Variants in NSRP1 observed in about 807,000 individuals in gnomAD.
NSRP1 encodes the protein coiled-coil domain containing 55.
In NSRP1, 24 loss-of-function variants were observed where a neutral mutation model predicts 54.7. The ratio of observed to expected loss-of-function variants is 0.44; its 90% CI spans 0.32 to 0.62. NSRP1 has a LOEUF of 0.62. NSRP1 is among the 20% of genes least tolerant of loss of function. The pLI, the probability that NSRP1 is intolerant of heterozygous loss-of-function variation, is 0.06. For missense variants in NSRP1, 596 were observed against 651.2 expected (o/e 0.92, Z 0.92); for synonymous variants, 210 against 213.8 (o/e 0.98, Z 0.15).
chr17:30,182,286 G>A (rs1164480980), intron 6 of NSRP1, among the ~76,000 whole-genome samples: 1 of 151,994 alleles, frequency 6.6e-6, no homozygotes, highest in Admixed American at 6.6e-5. Context: ...TTACATATCG[G>A]GGCTAGAACT....
At chr17:30,156,394 A>G (rs1211440798) in intron 2 of NSRP1, 1 of 150,734 alleles carries the variant, frequency 6.6e-6, no homozygotes, top group South Asian at 2.1e-4. Flanking sequence ...CCTCTATGAA[A>G]TACATTTTTT....
chr17:30,125,217 T>A (rs1014664566), intron 2 of NSRP1, among the ~76,000 whole-genome samples: 3 of 151,990 alleles, frequency 2.0e-5, no homozygotes, highest in African/African-American at 7.2e-5. Context: ...TAAAAAAAAA[T>A]TTGTGTGATT....
chr17:30,174,374 C>T (rs771893289), intron 3 of NSRP1, among the ~76,000 whole-genome samples: 2 of 152,202 alleles, frequency 1.3e-5, no homozygotes, highest in Non-Finnish European at 2.9e-5. Context: ...ATTGATTCAG[C>T]TCATCGAATG....
At chr17:30,180,675 G>A (rs2054846) in intron 5 of NSRP1, among the ~76,000 whole-genome samples, 57,926 of 152,014 alleles carry the variant, frequency 0.38, 13,525 homozygotes, top group East Asian at 0.81. Flanking sequence ...CAGTTACTGA[G>A]CTCTGCCTTT....
intron 2 of NSRP1, among the ~76,000 whole-genome samples, chr17:30,161,145 A>AT (rs1904498860): frequency 1.3e-5 from 2 of 152,208 alleles, no homozygotes; most frequent in African/African-American, 4.8e-5. Flanking sequence ...TACAAAGTAT[A>AT]TATGTTTCTG....
At chr17:30,120,179 C>T (rs2071584580) in intron 2 of NSRP1, among the ~76,000 whole-genome samples, 1 of 152,160 alleles carries the variant, frequency 6.6e-6, no homozygotes, top group Non-Finnish European at 1.5e-5. Flanking sequence ...TTACTCCACT[C>T]AGTATAATGC....
chr17:30,123,224 CG>C (rs901172186), intron 2 of NSRP1, among the ~76,000 whole-genome samples: 2 of 152,166 alleles, frequency 1.3e-5, no homozygotes, highest in Admixed American at 6.5e-5. Context: ...TTCAGCCTCC[CG>C]AGTAGCTAGG....
chr17:30,170,892 C>T (rs1415154025), intron 2 of NSRP1, among the ~76,000 whole-genome samples: 1 of 152,188 alleles, frequency 6.6e-6, no homozygotes, highest in South Asian at 2.1e-4. Flanking sequence ...TACATCTGCA[C>T]CAGCAGTATA....
chr17:30,119,762 C>G lies in NSRP1; in HGVS notation c.114+1589C>G, dbSNP rs149464078. ...AGATGATCCACCCACCTTGGCCTCC[C>G]AAAGTGCTGGAATTACAGGCATGAC... On this transcript the variant is annotated intron_variant, in intron 2 of 6. Coordinates refer to ENST00000247026, the MANE Select transcript of NSRP1 (RefSeq NM_032141.4). Among the ~76,000 whole-genome samples, 462 of 152,294 alleles carry G rather than the reference C, an allele frequency of 3.0e-3. 3 individuals carry two copies. Among genetic ancestry groups the G allele is most frequent in the Non-Finnish European group, 1.8e-3 (121 of 68,032 alleles).
chr17:30,151,991 AC>A (rs1445553510), intron 2 of NSRP1, among the ~76,000 whole-genome samples: 1 of 147,590 alleles, frequency 6.8e-6, no homozygotes, highest in Non-Finnish European at 1.5e-5. Context: ...CTGGTCTCAA[AC>A]TCCTGACCTC....
At chr17:30,156,594 A>G (rs1448493312) in intron 2 of NSRP1, 1 of 151,588 alleles carries the variant, frequency 6.6e-6, no homozygotes, top group Non-Finnish European at 1.5e-5. Context: ...ATCTCGGCTC[A>G]CCGCAACCTC....
At position 30,185,273 on chromosome 17, in the gene NSRP1, G is replaced by A. The variant is rs1478264019; in HGVS notation, c.1276G>A (p.Glu426Lys). 3.1e-6 allele frequency: 5 copies of A among 1,601,152 alleles called. No individual in the cohort carries two copies. In the East Asian group the frequency reaches 9.0e-5, roughly 29 times the overall value. ...GGAAGAGCATATGAAAGTAAGGAAG[G>A]AAAGATATGAAAATAATGATAAATA... is the stretch of plus-strand genomic sequence containing the variant. ...AKEEHMKVRK[E>K]RYENNDKYRD... The change falls in exon 7 of 7, where the codon GAA becomes AAA. Residue 426 changes from glutamate to lysine, a missense_variant. By Grantham distance (56) the Glu-to-Lys change is moderately conservative. Transcript: ENST00000247026.
At chr17:30,129,998 A>G (rs955903229) in intron 2 of NSRP1, among the ~76,000 whole-genome samples, 1 of 152,232 alleles carries the variant, frequency 6.6e-6, no homozygotes, top group Admixed American at 6.5e-5. Flanking sequence ...AGAGTGAAAA[A>G]GCAAGAAGAG....
At chr17:30,121,546 C>CTG (rs917957768) in intron 2 of NSRP1, among the ~76,000 whole-genome samples, 2 of 145,068 alleles carry the variant, frequency 1.4e-5, no homozygotes, top group Non-Finnish European at 3.0e-5. Context: ...GTACAATTCA[C>CTG]TGTGTGTGTG....
intron 2 of NSRP1, chr17:30,150,089 T>G (rs1290213820): frequency 6.6e-6 from 1 of 152,222 alleles, no homozygotes; most frequent in Non-Finnish European, 1.5e-5. Context: ...GATCTTTTTT[T>G]TTCTTTTTTT....
intron 2 of NSRP1, among the ~76,000 whole-genome samples, chr17:30,122,035 A>G (rs559918587): frequency 1.3e-5 from 2 of 152,154 alleles, no homozygotes; most frequent in South Asian, 4.2e-4. Context: ...TATTCTGCAC[A>G]TTTCATATAA....
At chr17:30,175,859 C>T (rs1420592693) in intron 3 of NSRP1, among the ~76,000 whole-genome samples, 1 of 151,816 alleles carries the variant, frequency 6.6e-6, no homozygotes, top group Non-Finnish European at 1.5e-5. Context: ...AAAAATTAGC[C>T]GGGCATGGTG....
At chr17:30,120,544 T>G (rs544629274) in intron 2 of NSRP1, among the ~76,000 whole-genome samples, 2 of 152,020 alleles carry the variant, frequency 1.3e-5, no homozygotes, top group South Asian at 4.1e-4. Context: ...CAGTTTTTTT[T>G]GGGACCTTAT....
chr17:30,125,522 T>TA (rs1376852393), intron 2 of NSRP1, among the ~76,000 whole-genome samples: 12 of 152,330 alleles, frequency 7.9e-5, no homozygotes, highest in African/African-American at 2.6e-4. Context: ...AGTGGTAGTC[T>TA]ATCCCTTTTA....
Sources: gnomAD v4.1 joint callset for allele counts (sites outside exome capture counted in the v4.1 genomes callset) on GRCh38, gnomAD v4.1.1 for gene constraint, MANE v1.5 for transcripts, NCBI Gene and HGNC (gene_info 2026-07-23, HGNC 2026-07-21) for gene names.